ADGRL3: variants seen among roughly 807,000 people sequenced by gnomAD.
The protein encoded by ADGRL3 is adhesion G protein-coupled receptor L3.
ADGRL3 carries 62 observed loss-of-function variants against 153.5 expected under a neutral mutation model. The ratio of observed to expected loss-of-function variants is 0.40; its 90% CI spans 0.33 to 0.50. ADGRL3 has a LOEUF of 0.50. Among genes scored for constraint, ADGRL3 ranks in the 20% least tolerant of loss-of-function variants. The pLI is 0.47. For synonymous variants in ADGRL3, 710 were observed against 672.5 expected, an observed-to-expected ratio of 1.06 and a Z score of -0.86; for missense variants, 1,641 against 1,859.4, an observed-to-expected ratio of 0.88 and a Z score of 2.16.
intron 3 of ADGRL3, among the ~76,000 whole-genome samples, chr4:61,499,418 G>C (rs1423409565): frequency 6.6e-6 from 1 of 151,838 alleles, no homozygotes; most frequent in Non-Finnish European, 1.5e-5. Flanking sequence ...TTGTGATGTG[G>C]GAAAATAAAA....
chr4:61,729,057 G>A (rs2096395796), intron 6 of ADGRL3, among the ~76,000 whole-genome samples: 1 of 151,840 alleles, frequency 6.6e-6, no homozygotes, highest in East Asian at 1.9e-4. Flanking sequence ...TATTTGTAGA[G>A]AGGGAGGGAG....
At chr4:61,993,487 T>C (rs1351504995) in intron 19 of ADGRL3, among the ~76,000 whole-genome samples, 3 of 151,646 alleles carry the variant, frequency 2.0e-5, no homozygotes, top group Non-Finnish European at 4.4e-5. Context: ...AGATGGGATT[T>C]CACCATGTTG....
intron 8 of ADGRL3, among the ~76,000 whole-genome samples, chr4:61,781,450 C>A (rs2097213505): frequency 6.6e-6 from 1 of 151,988 alleles, no homozygotes; most frequent in Non-Finnish European, 1.5e-5. Context: ...CTCTTCACTT[C>A]TTTTCTATAT....
intron 17 of ADGRL3, among the ~76,000 whole-genome samples, chr4:61,959,703 G>A (rs2150463960): frequency 6.6e-6 from 1 of 152,066 alleles, no homozygotes; most frequent in Non-Finnish European, 1.5e-5. Context: ...GAAAGTACTT[G>A]TTTTTCAAAA....
intron 2 of ADGRL3, among the ~76,000 whole-genome samples, chr4:61,469,728 A>C (rs1482065629): frequency 6.6e-6 from 1 of 152,068 alleles, no homozygotes; most frequent in Non-Finnish European, 1.5e-5. Flanking sequence ...TTTATAGTTT[A>C]CAGCGTAAGA....
intron 9 of ADGRL3, among the ~76,000 whole-genome samples, chr4:61,856,950 CTCTTTCTTTCTTTCTTTCTTTCTT>C (rs55713412): frequency 2.5e-4 from 14 of 57,000 alleles, no homozygotes; most frequent in South Asian, 6.9e-4. Context: ...CTTTCTTCTT[CTCTTTCTTTCTTTCTTTCTTTCTT>C]TCTTTCTTTC....
rs1337483027 is a variant in ADGRL3 at position 62,073,137 on chromosome 4, ACTAT to A, written c.*2231_*2234del. On this transcript the variant is annotated 3_prime_UTR_variant, in exon 27 of 27. Transcript: ENST00000683033. ...GGTTTCCTTTTTCAAAAATCTAAAC[ACTAT>A]CCATCTATAAATGACTATCTTAAAT... 6.6e-6 allele frequency: 1 copy of A among 152,130 alleles called. No homozygotes were observed. Among genetic ancestry groups the A allele is most frequent in the Non-Finnish European group, 1.5e-5 (1 of 68,006 alleles). 9.4% of individuals were successfully genotyped at this position (152,130 alleles called of 1,614,324 possible).
At chr4:62,048,778 C>A (rs1249982750) in intron 25 of ADGRL3, among the ~76,000 whole-genome samples, 1 of 151,614 alleles carries the variant, frequency 6.6e-6, no homozygotes, top group Non-Finnish European at 1.5e-5. Context: ...GTCTTGAAGT[C>A]CTGGCCTCAA....
intron 2 of ADGRL3, among the ~76,000 whole-genome samples, chr4:61,470,758 G>A (rs1358568277): frequency 6.6e-6 from 1 of 151,784 alleles, no homozygotes; most frequent in Admixed American, 6.6e-5. Flanking sequence ...CATTTAAAAT[G>A]AAGTTGATAA....
chr4:61,227,316 C>T (rs1210202119), intron 1 of ADGRL3, among the ~76,000 whole-genome samples: 1 of 152,112 alleles, frequency 6.6e-6, no homozygotes, highest in African/African-American at 2.4e-5. Flanking sequence ...AGCAATTCTC[C>T]CACCTCAGCT....
At chr4:61,702,827 C>A (rs550177342) in intron 6 of ADGRL3, among the ~76,000 whole-genome samples, 2 of 152,134 alleles carry the variant, frequency 1.3e-5, no homozygotes, top group African/African-American at 4.8e-5. Context: ...ATATCTATAA[C>A]TATATCACGA....
chr4:61,513,572 G>A (rs765206657), intron 3 of ADGRL3, among the ~76,000 whole-genome samples: 36 of 151,940 alleles, frequency 2.4e-4, no homozygotes, highest in South Asian at 4.1e-4. Context: ...TATATTTCAC[G>A]CTTGCCCACT....
At chr4:61,214,937 A>G (rs575411740) in intron 1 of ADGRL3, among the ~76,000 whole-genome samples, 49 of 152,106 alleles carry the variant, frequency 3.2e-4, no homozygotes, top group African/African-American at 1.1e-3. Context: ...GACCTTGACT[A>G]TTAAAAAAAA....
intron 21 of ADGRL3, among the ~76,000 whole-genome samples, chr4:62,018,712 C>T (rs1267881551): frequency 6.6e-6 from 1 of 152,098 alleles, no homozygotes; most frequent in Non-Finnish European, 1.5e-5. Context: ...CCTCATTGCC[C>T]CAGCTTTCCT....
chr4:61,639,758 T>C lies in ADGRL3; in HGVS notation c.474-37068T>C, dbSNP rs143356089. ...TAAGGAAAATGAATCCACATTTTTC[T>C]CTTTCAGAAGTATGTGTTCATAAGT... On this transcript the variant is annotated intron_variant, in intron 5 of 26. Transcript: ENST00000683033. 1.5e-3 allele frequency among the ~76,000 whole-genome samples: 234 copies of C among 152,330 alleles called. 8 individuals carry two copies. In the East Asian group the frequency reaches 0.042, roughly 27 times the overall value.
At chr4:61,862,910 G>A (rs1402064487) in intron 9 of ADGRL3, among the ~76,000 whole-genome samples, 1 of 152,154 alleles carries the variant, frequency 6.6e-6, no homozygotes, top group African/African-American at 2.4e-5. Context: ...GGGTGGGGGT[G>A]AAGGGAGCTT....
At chr4:61,261,433 A>C (rs2092512673) in intron 1 of ADGRL3, among the ~76,000 whole-genome samples, 1 of 152,088 alleles carries the variant, frequency 6.6e-6, no homozygotes, top group Admixed American at 6.6e-5. Context: ...CTTGGCACAC[A>C]TGAAATTCAA....
chr4:61,595,212 T>C (rs1312509472), intron 5 of ADGRL3, among the ~76,000 whole-genome samples: 1 of 152,120 alleles, frequency 6.6e-6, no homozygotes, highest in East Asian at 1.9e-4. Context: ...CCTTTATTTT[T>C]CCCTCTGCTT....
At chr4:61,648,528 T>C (rs1231013064) in intron 5 of ADGRL3, among the ~76,000 whole-genome samples, 1 of 151,654 alleles carries the variant, frequency 6.6e-6, no homozygotes, top group Non-Finnish European at 1.5e-5. Context: ...TTTTTTGTTT[T>C]TTTTTCTGTT....
Sources: allele counts gnomAD v4.1 joint callset (sites outside exome capture counted in the v4.1 genomes callset), GRCh38; gene constraint gnomAD v4.1.1; transcripts MANE v1.5; gene names NCBI Gene and HGNC (gene_info 2026-07-23, HGNC 2026-07-21).